The following PATJ variants were observed in gnomAD, a reference collection of about 807,000 sequenced individuals.
PATJ encodes PATJ crumbs cell polarity complex component, also known as inaD-like protein.
In PATJ, 190 loss-of-function variants were observed where a neutral mutation model predicts 224.9. That is an observed-to-expected ratio of 0.84 (90% CI 0.75 to 0.95). The LOEUF is 0.95. PATJ is among the 40% of genes least tolerant of loss of function. The pLI, the probability that PATJ is intolerant of heterozygous loss-of-function variation, is 0.00. For synonymous variants in PATJ, 769 were observed against 820.3 expected, an observed-to-expected ratio of 0.94 and a Z score of 1.07; for missense variants, 2,121 against 2,270.3, an observed-to-expected ratio of 0.93 and a Z score of 1.34.
rs773161149 is a variant in PATJ at position 61,864,251 on chromosome 1, A to G, written c.2453A>G (p.Glu818Gly). 16 of 1,608,364 alleles carry G rather than the reference A, an allele frequency of 9.9e-6. No homozygotes were observed. The East Asian group carries it at 3.6e-4, about 36-fold the overall frequency. Residue 818 changes from glutamate (E) to glycine (G), a missense_variant, in exon 20 of 44, where the codon GAA becomes GGA. Glu to Gly is a moderately conservative substitution (Grantham distance 98, BLOSUM62 -2). Transcript: ENST00000642238. ...TTTTATTTATAGGGATTTAGAGATG[A>G]ACCATATTTTAAAGAAGAACTTGTG... The part of the protein sequence containing the change: ...ILEAPKGFRD[E>G]PYFKEELVDE...
At chr1:62,139,348 C>T (rs1228925840) in intron 41 of PATJ, among the ~76,000 whole-genome samples, 2 of 138,776 alleles carry the variant, frequency 1.4e-5, no homozygotes, top group Non-Finnish European at 3.0e-5. Context: ...TGCAGTGAGC[C>T]GAGATTGCGC....
rs1007108848 is a variant in PATJ at position 62,162,111 on chromosome 1, T to C, written c.*1057T>C. ...ACCACTGAGCAAATGAACCTTATTC[T>C]CAGCAGGAACAACTAGCATACATGT... On this transcript the variant is annotated 3_prime_UTR_variant, in exon 44 of 44. Transcript: ENST00000642238. 2.6e-5 allele frequency: 4 copies of C among 152,184 alleles called. No homozygotes were observed. The highest frequency in any genetic ancestry group is 2.6e-4 in the Admixed American group (4 of 15,278). The allele number at this position is 152,184 out of a possible 1,614,324, so 9.4% of individuals were successfully genotyped here. A position where few individuals can be genotyped will look rare whatever the true frequency, so the allele number is the denominator to read the frequency against.
At chr1:62,041,935 C>T (rs1009302650) in intron 30 of PATJ, among the ~76,000 whole-genome samples, 1 of 151,762 alleles carries the variant, frequency 6.6e-6, no homozygotes, top group Non-Finnish European at 1.5e-5. Flanking sequence ...TGCAGTGAGC[C>T]GAGATCGTGC....
intron 33 of PATJ, among the ~76,000 whole-genome samples, chr1:62,090,833 C>G (rs970071447): frequency 2.0e-5 from 3 of 152,118 alleles, no homozygotes; most frequent in Non-Finnish European, 4.4e-5. Flanking sequence ...TCCCTGATGT[C>G]CTTCAATGTC....
chr1:61,890,694 A>C (rs971932449), intron 22 of PATJ, among the ~76,000 whole-genome samples: 88 of 152,060 alleles, frequency 5.8e-4, no homozygotes, highest in African/African-American at 1.7e-3. Flanking sequence ...ATAAGATCTC[A>C]CTATGTTACC....
chr1:61,775,408 A>C, intron 7 of PATJ, 74 bp downstream of exon 7: 1 of 1,305,778 alleles, frequency 7.7e-7, no homozygotes, highest in Non-Finnish European at 1.1e-6. Flanking sequence ...TAATTTTATA[A>C]CATGAGTTAC....
intron 33 of PATJ, among the ~76,000 whole-genome samples, chr1:62,101,035 T>C (rs1303690773): frequency 6.6e-6 from 1 of 152,134 alleles, no homozygotes; most frequent in African/African-American, 2.4e-5. Context: ...TGGTAGCCTA[T>C]ACTTCAAATA....
intron 38 of PATJ, among the ~76,000 whole-genome samples, chr1:62,121,609 A>G (rs1050955332): frequency 3.3e-5 from 5 of 151,882 alleles, no homozygotes; most frequent in Non-Finnish European, 5.9e-5. Context: ...CTATTAAAAT[A>G]CAAAAAAAAA....
chr1:62,023,822 T>C (rs1047975411), intron 29 of PATJ, among the ~76,000 whole-genome samples: 1 of 152,250 alleles, frequency 6.6e-6, no homozygotes, highest in African/African-American at 2.4e-5. Context: ...TAGCATGATG[T>C]CGGCTGCAGA....
chr1:61,788,510 A>G (rs982989739), intron 8 of PATJ, among the ~76,000 whole-genome samples: 6 of 152,216 alleles, frequency 3.9e-5, no homozygotes, highest in South Asian at 2.1e-4. Context: ...GTCAAACATC[A>G]TGTTAAAGAC....
rs181094645 is a variant in PATJ at position 62,052,247 on chromosome 1, T to C, written c.4125+1189T>C. ...TTGAGAAATCATCCATTTATCCTCT[T>C]TCAGGTTTTGGAAAATATATCTTGC... On this transcript the variant is annotated intron_variant, in intron 31 of 43. Transcript: ENST00000642238. Among the ~76,000 whole-genome samples the C allele has an allele frequency of 7.3e-3, 1,104 of 152,232 alleles. 8 individuals are homozygous for C. The highest frequency in any genetic ancestry group is 8.6e-3 in the Non-Finnish European group (587 of 68,020).
chr1:61,939,149 T>A (rs993123964), intron 27 of PATJ, among the ~76,000 whole-genome samples: 10 of 132,514 alleles, frequency 7.5e-5, no homozygotes, highest in African/African-American at 2.0e-4. Flanking sequence ...AAAAAAAAAA[T>A]TCATGTAATT....
intron 14 of PATJ, among the ~76,000 whole-genome samples, chr1:61,811,736 T>G (rs1654795993): frequency 6.7e-6 from 1 of 148,352 alleles, no homozygotes; most frequent in African/African-American, 2.5e-5. Context: ...CTTTTTACAT[T>G]ATAATTCTCC....
chr1:61,910,502 C>G (rs1207286108), intron 25 of PATJ, among the ~76,000 whole-genome samples: 2 of 128,938 alleles, frequency 1.6e-5, no homozygotes, highest in Non-Finnish European at 3.3e-5. Flanking sequence ...ATGACTTGTT[C>G]CATTTTCAAC....
At chr1:61,893,553 C>G (rs1296093948) in intron 22 of PATJ, among the ~76,000 whole-genome samples, 1 of 148,450 alleles carries the variant, frequency 6.7e-6, no homozygotes, top group Admixed American at 6.8e-5. Context: ...ATGATCCCAA[C>G]ACTTTGGGAG....
At chr1:61,978,852 GC>G (rs1274822385) in intron 27 of PATJ, among the ~76,000 whole-genome samples, 2 of 152,004 alleles carry the variant, frequency 1.3e-5, no homozygotes, top group East Asian at 3.8e-4. Flanking sequence ...TTGAACATTT[GC>G]TATTAAAATA....
At chr1:62,044,775 A>G (rs1652202091) in intron 30 of PATJ, among the ~76,000 whole-genome samples, 1 of 152,180 alleles carries the variant, frequency 6.6e-6, no homozygotes, top group African/African-American at 2.4e-5. Flanking sequence ...CAGCCTAGTA[A>G]ATAAGCTCAC....
intron 28 of PATJ, among the ~76,000 whole-genome samples, chr1:61,999,438 T>C (rs944706): frequency 0.3 from 46,240 of 151,898 alleles, 7,615 homozygotes; most frequent in East Asian, 0.47. Context: ...GAGGCTGAGG[T>C]GGGCAGATCA....
chr1:61,840,479 A>G (rs959169039), intron 17 of PATJ, among the ~76,000 whole-genome samples: 1 of 151,978 alleles, frequency 6.6e-6, no homozygotes, highest in African/African-American at 2.4e-5. Context: ...TGGTTATATA[A>G]GTAATAGTAC....
Sources: allele counts gnomAD v4.1 joint callset (sites outside exome capture counted in the v4.1 genomes callset), GRCh38; gene constraint gnomAD v4.1.1; transcripts MANE v1.5; gene names NCBI Gene and HGNC (gene_info 2026-07-23, HGNC 2026-07-21).